Variants in CHD3 observed in about 807,000 individuals in gnomAD.
CHD3 encodes the protein ATP-dependent chromatin remodeler CHD3.
CHD3 carries 52 observed loss-of-function variants against 248.9 expected under a neutral mutation model. That is an observed-to-expected ratio of 0.21 (90% CI 0.17 to 0.26). The LOEUF (loss-of-function observed/expected upper bound fraction) is 0.26. CHD3 is among the 10% of genes least tolerant of loss of function. The pLI is 1.00. For missense variants in CHD3, 1,482 were observed against 2,605.8 expected, an observed-to-expected ratio of 0.57 and a Z score of 9.39; for synonymous variants, 985 against 985.2, an observed-to-expected ratio of 1.00 and a Z score of 0.00.
chr17:7,899,318 T>C lies in CHD3; in HGVS notation c.2344-25T>C, dbSNP rs778300249. 20 of 1,612,962 alleles carry C rather than the reference T, an allele frequency of 1.2e-5. No individual in the cohort carries two copies. The highest frequency in any genetic ancestry group is 4.4e-5 in the South Asian group (4 of 91,076). ...GTATACGGCCTCTAGCCTAGACTTATGCTGCCCCCATTCTTGACTCCCAGG... is the reference window on the plus strand; with the variant it reads ...GTATACGGCCTCTAGCCTAGACTTACGCTGCCCCCATTCTTGACTCCCAGG... On this transcript the variant is annotated intron_variant, in intron 14 of 39. Coordinates refer to ENST00000330494, the MANE Select transcript of CHD3 (RefSeq NM_001005273.3). This position sits in a 1 kb window ranked among gnomAD's most constrained non-coding sequence, Gnocchi z 6.8.
intron 19 of CHD3, 104 bp downstream of exon 19, chr17:7,901,097 G>C (rs1051139651): frequency 1.3e-6 from 2 of 1,514,398 alleles, no homozygotes; most frequent in Non-Finnish European, 1.8e-6. Context: ...GAGCTGGGCT[G>C]GAAGGCCACG....
Position 7,905,090 on chromosome 17 carries a change from A to C in CHD3, c.4073-10A>C. On this transcript the variant is annotated splice_polypyrimidine_tract_variant and intron_variant, in intron 25 of 39. Coordinates refer to ENST00000330494, the MANE Select transcript of CHD3 (RefSeq NM_001005273.3). This position sits in a 1 kb window ranked among gnomAD's most constrained non-coding sequence, Gnocchi z 5.8. ...CCTCCCTGACCACTGGGCCCTTTCCACCCCCACAGACAACCAGTCAGAGTA... is the reference window on the plus strand; with the variant it reads ...CCTCCCTGACCACTGGGCCCTTTCCCCCCCCACAGACAACCAGTCAGAGTA... 6.2e-7 allele frequency: 1 copy of C among 1,613,800 alleles called. No homozygotes were observed. Among genetic ancestry groups the C allele is most frequent in the Non-Finnish European group, 8.5e-7 (1 of 1,179,818 alleles).
At position 7,909,518 on chromosome 17, in the gene CHD3, T is replaced by C; in HGVS notation, c.5590+180T>C. The stretch of plus-strand genomic sequence containing the variant: ...CTTGGATTTTAGCCTCTAGGACTTG[T>C]GCAAGCCAACCCTCATCCATGTCTG... On this transcript the variant is annotated intron_variant, in intron 37 of 39. Transcript: ENST00000330494. This position sits in a 1 kb window ranked among gnomAD's most constrained non-coding sequence, Gnocchi z 8.1. 1.1e-6 allele frequency: 1 copy of C among 883,928 alleles called. No individual in the cohort carries two copies. 54.8% of individuals were successfully genotyped at this position (883,928 alleles called of 1,614,324 possible).
At chr17:7,885,034 GCCGCCGCCGCCGCCACCGCTGCCC>G (rs1351908737), upstream of CHD3, 20 of 1,119,708 alleles carry the variant, frequency 1.8e-5, no homozygotes, top group East Asian at 4.6e-5. Flanking sequence ...TCCCGCCGCC[GCCGCCGCCGCCGCCACCGCTGCCC>G]CCGCCGCCGC....
rs746195904 is a variant in CHD3, at chr17:7,906,435, C to T, written c.4359-118C>T. The T allele has an allele frequency of 9.5e-7, 1 of 1,052,912 alleles. No homozygotes were observed. 65.2% of individuals were successfully genotyped at this position (1,052,912 alleles called of 1,614,324 possible). On this transcript the variant is annotated intron_variant, in intron 28 of 39. Coordinates refer to ENST00000330494, the MANE Select transcript of CHD3 (RefSeq NM_001005273.3). The surrounding 1 kb of genome is among the most constrained non-coding windows in gnomAD (Gnocchi z 5.0). ...AGAGTGAGAGGCCCAGGGGAGGAGC[C>T]CTGGAGCACCTGGGGATTTGGGGGT...
At chr17:7,886,252 C>T (rs1173803845), upstream of CHD3, among the ~76,000 whole-genome samples, 1 of 152,264 alleles carries the variant, frequency 6.6e-6, no homozygotes, top group African/African-American at 2.4e-5. This position sits in a 1 kb window ranked among gnomAD's most constrained non-coding sequence, Gnocchi z 4.2. Context: ...CTCTCCAGAC[C>T]GCTGCGCCGC....
Position 7,909,660 on chromosome 17 carries a change from A to C in CHD3, c.5590+322A>C. 7.7e-6 allele frequency: 3 copies of C among 389,672 alleles called. No homozygotes were observed. Among genetic ancestry groups the C allele is most frequent in the East Asian group, 5.0e-5 (1 of 20,138 alleles). 24.1% of individuals were successfully genotyped at this position (389,672 alleles called of 1,614,324 possible). ...CATGCCTGCCATACTGCTTAACATC[A>C]TCCAGTTAGGGGCCTTGGACTGTGA... On this transcript the variant is annotated intron_variant, in intron 37 of 39. Coordinates refer to ENST00000330494, the MANE Select transcript of CHD3 (RefSeq NM_001005273.3). The surrounding 1 kb of genome is among the most constrained non-coding windows in gnomAD (Gnocchi z 8.1).
upstream of CHD3, chr17:7,885,001 C>T (rs1967530175): frequency 2.4e-6 from 3 of 1,243,994 alleles, no homozygotes; most frequent in African/African-American, 1.6e-5. Context: ...GCGACCGCCA[C>T]AGCCCCCCCG....
chr17:7,894,319 A>C, intron 7 of CHD3, 54 bp downstream of exon 7: 1 of 1,593,712 alleles, frequency 6.3e-7, no homozygotes, highest in South Asian at 1.1e-5. Flanking sequence ...TCTCATTCTT[A>C]TTTTCAATTT....
Position 7,897,677 on chromosome 17 carries a change from TGC to T in CHD3, c.1920-293_1920-292del, listed in dbSNP as rs1969852905. On this transcript the variant is annotated intron_variant, in intron 11 of 39. Coordinates refer to ENST00000330494, the MANE Select transcript of CHD3 (RefSeq NM_001005273.3). The surrounding 1 kb of genome is among the most constrained non-coding windows in gnomAD (Gnocchi z 4.8). ...GGTATGTATTTAGTTATTTCAATGC[TGC>T]CTTCCCCACGAGACTCTGAGTTCCA... Among the ~76,000 whole-genome samples the T allele has an allele frequency of 6.6e-6, 1 of 152,248 alleles. No individual in the cohort carries two copies. The highest frequency in any genetic ancestry group is 1.5e-5 in the Non-Finnish European group (1 of 68,034).
In CHD3 at chr17:7,910,879, G is replaced by C; in HGVS notation, c.5787G>C (p.Pro1929=). 6.2e-7 allele frequency: 1 copy of C among 1,611,902 alleles called. No individual in the cohort carries two copies. The highest frequency in any genetic ancestry group is 8.5e-7 in the Non-Finnish European group (1 of 1,179,362). Residue 1929 remains proline (P), a synonymous_variant, in exon 39 of 40, where the codon CCG becomes CCC. Transcript: ENST00000330494. The surrounding 1 kb of genome is among the most constrained non-coding windows in gnomAD (Gnocchi z 4.7). ...AYPPGPYATP[P]GYGAAFSAAP... is the part of the protein sequence containing the mutation. ...CGCCGGGTCCCTACGCTACACCTCC[G>C]GGGTACGGGGCGGCCTTCAGCGCCG...
chr17:7,885,739 G>C (rs1371367448), upstream of CHD3, among the ~76,000 whole-genome samples: 1 of 152,196 alleles, frequency 6.6e-6, no homozygotes, highest in East Asian at 1.9e-4. Flanking sequence ...GGAGACTTAG[G>C]TGCCCGCCAA....
chr17:7,885,241 C>T (rs1266309601), upstream of CHD3: 1 of 620,730 alleles, frequency 1.6e-6, no homozygotes, highest in Non-Finnish European at 2.0e-6. Context: ...TCCGGGAGGT[C>T]GGGGCGGGCG....
chr17:7,895,457 C>A lies in CHD3; in HGVS notation c.1622C>A (p.Pro541His), dbSNP rs777856397. ...AATCCAGATGTCCCACCCCCCCGTC[C>A]TCTTCAAGGCAGATCAGAGCGAGAG... The part of the protein sequence containing the change: ...DGNPDVPPPR[P>H]LQGRSEREFF... The change falls in exon 10 of 40, where the codon CCT becomes CAT. Residue 541 changes from proline to histidine, a missense_variant. By Grantham distance (77) the Pro-to-His change is moderately conservative (BLOSUM62 -2). This residue lies in a region of CHD3 where 24 missense variants were observed against 18.3 expected (regional missense o/e 1.31). Transcript: ENST00000330494. This position sits in a 1 kb window ranked among gnomAD's most constrained non-coding sequence, Gnocchi z 4.9. The A allele has an allele frequency of 1.2e-6, 2 of 1,614,168 alleles. No individual in the cohort carries two copies. Among genetic ancestry groups the A allele is most frequent in the Non-Finnish European group, 1.7e-6 (2 of 1,180,038 alleles).
At chr17:7,893,607 C>G (rs778872794) in intron 5 of CHD3, 38 bp downstream of exon 5, 5 of 1,539,672 alleles carry the variant, frequency 3.2e-6, no homozygotes, top group South Asian at 2.5e-5. Context: ...ATCTCACCTT[C>G]CAAACTGCAT....
Position 7,899,685 on chromosome 17 carries a change from G to A in CHD3, c.2544+142G>A. 9.7e-7 allele frequency: 1 copy of A among 1,029,168 alleles called. No homozygotes were observed. The highest frequency in any genetic ancestry group is 1.4e-6 in the Non-Finnish European group (1 of 694,768). The allele number at this position is 1,029,168 out of a possible 1,614,324, so 63.8% of individuals were successfully genotyped here. ...CTCCTGTCTCTGCACTACCATCCTA[G>A]AGATATGGCAGGTACTCCCAGGGGC... On this transcript the variant is annotated intron_variant, in intron 15 of 39. Transcript: ENST00000330494. The surrounding 1 kb of genome is among the most constrained non-coding windows in gnomAD (Gnocchi z 6.8).
rs1244307601 is a variant in CHD3, at chr17:7,912,667, GTC to G, written c.*1088_*1089del. On this transcript the variant is annotated 3_prime_UTR_variant, in exon 40 of 40. Transcript: ENST00000330494. The stretch of plus-strand genomic sequence containing the variant: ...TCACTTTCTTGCTGCCCCTTTCCCA[GTC>G]TCTCTTCACACCCACTCCTGGTCTG... The G allele has an allele frequency of 5.3e-5, 8 of 151,236 alleles. No individual in the cohort carries two copies. The highest frequency in any genetic ancestry group is 1.5e-4 in the African/African-American group (6 of 41,044). The allele number at this position is 151,236 out of a possible 1,614,324, so 9.4% of individuals were successfully genotyped here. A position where few individuals can be genotyped will look rare whatever the true frequency, so the allele number is the denominator to read the frequency against.
In CHD3 at chr17:7,900,180, C is replaced by T; in HGVS notation, c.2683-110C>T. On this transcript the variant is annotated intron_variant, in intron 16 of 39. Transcript: ENST00000330494. The surrounding 1 kb of genome is among the most constrained non-coding windows in gnomAD (Gnocchi z 6.5). ...AGGGAGAGGGCCAGAGATTTGGGGC[C>T]TCTGATCCTGAGTGAAATGGGAGCT... 10 of 1,555,312 alleles carry T rather than the reference C, an allele frequency of 6.4e-6. No individual in the cohort carries two copies. The highest frequency in any genetic ancestry group is 8.8e-6 in the Non-Finnish European group (10 of 1,142,268).
At position 7,899,483 on chromosome 17, in the gene CHD3, G is replaced by C; in HGVS notation, c.2484G>C (p.Glu828Asp). 6.2e-7 allele frequency: 1 copy of C among 1,614,170 alleles called. No homozygotes were observed. Among genetic ancestry groups the C allele is most frequent in the Non-Finnish European group, 8.5e-7 (1 of 1,180,036 alleles). ...GDKDSRAIIR[E>D]NEFSFEDNAI... ...AGGACAGCCGGGCCATCATTCGTGA[G>C]AATGAATTCTCCTTTGAGGACAATG... Residue 828 changes from glutamate (E) to aspartate (D), a missense_variant, in exon 15 of 40, where the codon GAG becomes GAC. Coordinates refer to ENST00000330494, the MANE Select transcript of CHD3 (RefSeq NM_001005273.3). The surrounding 1 kb of genome is among the most constrained non-coding windows in gnomAD (Gnocchi z 6.8).
Sources: allele counts gnomAD v4.1 joint callset (sites outside exome capture counted in the v4.1 genomes callset), GRCh38; gene constraint gnomAD v4.1.1; regional missense constraint gnomAD v4.1.1; non-coding constraint Gnocchi (gnomAD v3.1); transcripts MANE v1.5; gene names NCBI Gene and HGNC (gene_info 2026-07-23, HGNC 2026-07-21).